Variants in ASAP1 observed in about 807,000 individuals in gnomAD.
ASAP1 encodes arf-GAP with SH3 domain, ANK repeat and PH domain-containing protein 1.
A neutral mutation model predicts 145.2 loss-of-function variants in ASAP1; 43 were observed. The ratio of observed to expected loss-of-function variants is 0.30; its 90% CI spans 0.23 to 0.38. The LOEUF (loss-of-function observed/expected upper bound fraction) is 0.38. ASAP1 is among the 10% of genes least tolerant of loss of function. The probability of loss-of-function intolerance (pLI) is 1.00; values close to 1 mark genes in which losing one functional copy is unlikely to be tolerated. For synonymous variants in ASAP1, 546 were observed against 515.5 expected, an observed-to-expected ratio of 1.06 and a Z score of -0.80; for missense variants, 1,018 against 1,355.3, an observed-to-expected ratio of 0.75 and a Z score of 3.91.
At chr8:130,267,299 G>GAT (rs941917871) in intron 3 of ASAP1, among the ~76,000 whole-genome samples, 31 of 152,082 alleles carry the variant, frequency 2.0e-4, no homozygotes, top group African/African-American at 7.5e-4. Context: ...AGTAACAAGA[G>GAT]CTATAGTAGT....
intron 2 of ASAP1, among the ~76,000 whole-genome samples, chr8:130,387,619 T>C (rs1364305769): frequency 7.0e-6 from 1 of 142,250 alleles, no homozygotes; most frequent in African/African-American, 2.7e-5. Context: ...AATGTACCAC[T>C]ACACTCCAGC....
chr8:130,208,593 G>A (rs537202896), intron 5 of ASAP1: 1 of 152,034 alleles, frequency 6.6e-6, no homozygotes, highest in South Asian at 2.1e-4. Context: ...GGGGTATAAA[G>A]AACGTGGATG....
At chr8:130,172,472 C>T (rs1409124142) in intron 9 of ASAP1, among the ~76,000 whole-genome samples, 1 of 152,066 alleles carries the variant, frequency 6.6e-6, no homozygotes, top group Non-Finnish European at 1.5e-5. Flanking sequence ...TAAATCTCTT[C>T]CCAATTTTTT....
intron 25 of ASAP1, chr8:130,084,435 ATGTG>A (rs2097488158): frequency 6.6e-6 from 1 of 152,172 alleles, no homozygotes; most frequent in South Asian, 2.1e-4. Flanking sequence ...TATCATACAG[ATGTG>A]TGTAAGAGAA....
rs76881333 is a variant in ASAP1 at position 130,124,927 on chromosome 8, G to T, written c.1516-823C>A. 8.5e-5 allele frequency among the ~76,000 whole-genome samples: 13 copies of T among 152,280 alleles called. No homozygotes were observed. In the East Asian group the frequency reaches 2.5e-3, roughly 29 times the overall value. On this transcript the variant is annotated intron_variant, in intron 17 of 29. Transcript: ENST00000518721. ...TCTCTACAATCCTGAAGTGAACTAG[G>T]GAGCCGAGTATCAGCATGGTAACTT... is the stretch of plus-strand genomic sequence containing the variant.
chr8:130,076,224 C>T, intron 27 of ASAP1, 124 bp downstream of exon 27: 1 of 604,788 alleles, frequency 1.7e-6, no homozygotes, highest in East Asian at 2.9e-5. Flanking sequence ...GCATCCACTA[C>T]ATGCCAGGTG....
intron 9 of ASAP1, among the ~76,000 whole-genome samples, chr8:130,171,761 T>C (rs1012834190): frequency 6.6e-6 from 1 of 152,194 alleles, no homozygotes; most frequent in East Asian, 1.9e-4. Context: ...CAGGCCTAAG[T>C]GCCAGACCTG....
At chr8:130,395,967 T>C (rs560395621) in intron 2 of ASAP1, among the ~76,000 whole-genome samples, 1 of 152,226 alleles carries the variant, frequency 6.6e-6, no homozygotes, top group South Asian at 2.1e-4. Flanking sequence ...CGCCTGGCCA[T>C]ATTTCTGTTG....
chr8:130,373,258 T>C (rs1228707720), intron 2 of ASAP1, among the ~76,000 whole-genome samples: 3 of 151,840 alleles, frequency 2.0e-5, no homozygotes, highest in African/African-American at 7.3e-5. Context: ...ACAAAACCTA[T>C]GGATTTTAAT....
chr8:130,422,069 G>T (rs967478570), intron 1 of ASAP1, among the ~76,000 whole-genome samples: 1 of 152,170 alleles, frequency 6.6e-6, no homozygotes, highest in Non-Finnish European at 1.5e-5. Context: ...ATTCTACCCA[G>T]AATCAGGCTG....
chr8:130,075,032 C>T (rs1275270271), intron 27 of ASAP1, among the ~76,000 whole-genome samples: 3 of 152,090 alleles, frequency 2.0e-5, no homozygotes, highest in East Asian at 1.9e-4. Context: ...GCGGCAGTTG[C>T]GGTAAAGCCC....
chr8:130,069,914 G>T (rs894992231), intron 27 of ASAP1, among the ~76,000 whole-genome samples: 1 of 152,220 alleles, frequency 6.6e-6, no homozygotes, highest in African/African-American at 2.4e-5. Context: ...AGCTTTTTGC[G>T]CAAGAGAGAG....
chr8:130,437,892 G>A (rs777340864), intron 1 of ASAP1, among the ~76,000 whole-genome samples: 14 of 152,164 alleles, frequency 9.2e-5, no homozygotes, highest in Non-Finnish European at 1.9e-4. Flanking sequence ...CCAGGATCCC[G>A]CCACTGGAGG....
chr8:130,428,475 C>CCAT (rs1830017495), intron 1 of ASAP1, among the ~76,000 whole-genome samples: 1 of 84,310 alleles, frequency 1.2e-5, no homozygotes, highest in Non-Finnish European at 2.5e-5. Flanking sequence ...ATCACCACCA[C>CCAT]CACCACCATC....
Position 130,107,520 on chromosome 8 carries a change from ATGT to A in ASAP1, c.2401+4571_2401+4573del, listed in dbSNP as rs1564966061. 7.6e-3 allele frequency among the ~76,000 whole-genome samples: 173 copies of A among 22,662 alleles called. 1 individual carries two copies. In the Middle Eastern group the frequency reaches 0.091, roughly 12 times the overall value. 14.9% of individuals were successfully genotyped at this position (22,662 alleles called of 152,430 possible). A position where few individuals can be genotyped will look rare whatever the true frequency, so the allele number is the denominator to read the frequency against. On this transcript the variant is annotated intron_variant, in intron 24 of 29. Transcript: ENST00000518721. The stretch of plus-strand genomic sequence containing the variant: ...CTTTTTTTTTTTTTTTAAAAAATGT[ATGT>A]ATGTATGTATGTATGTATGTATGTA...
chr8:130,191,771 C>T (rs990004619), intron 5 of ASAP1, among the ~76,000 whole-genome samples: 1 of 152,108 alleles, frequency 6.6e-6, no homozygotes, highest in Non-Finnish European at 1.5e-5. Context: ...CTCCCTGATA[C>T]CTAGGAAGTG....
intron 1 of ASAP1, among the ~76,000 whole-genome samples, chr8:130,402,262 TAGACCTAG>T: frequency 6.6e-6 from 1 of 152,216 alleles, no homozygotes; most frequent in African/African-American, 2.4e-5. Context: ...TTAACTTCTC[TAGACCTAG>T]GCTCCTAAAC....
chr8:130,347,074 G>A (rs1374100807), intron 3 of ASAP1, among the ~76,000 whole-genome samples: 1 of 152,172 alleles, frequency 6.6e-6, no homozygotes, highest in Admixed American at 6.5e-5. Flanking sequence ...ATTTAACACT[G>A]AGGAAAAACC....
chr8:130,137,121 C>T (rs1049054941), intron 13 of ASAP1, 83 bp from the exon 14 acceptor site: 2 of 1,150,158 alleles, frequency 1.7e-6, no homozygotes, highest in African/African-American at 1.5e-5. Context: ...GGCAGGTATG[C>T]TGTTCATAAG....
Sources: gnomAD v4.1 joint callset for allele counts (sites outside exome capture counted in the v4.1 genomes callset) on GRCh38, gnomAD v4.1.1 for gene constraint, MANE v1.5 for transcripts, NCBI Gene and HGNC (gene_info 2026-07-23, HGNC 2026-07-21) for gene names.